HIP1: variants seen among roughly 807,000 people sequenced by gnomAD.
The protein encoded by HIP1 is huntingtin-interacting protein 1.
Under a neutral mutation model 147.6 loss-of-function variants are expected in HIP1, and 65 were observed. The ratio of observed to expected loss-of-function variants is 0.44; its 90% confidence interval spans 0.36 to 0.54. The LOEUF (loss-of-function observed/expected upper bound fraction) is 0.54, where lower values mean the gene tolerates loss of function less well. Among genes scored for constraint, HIP1 ranks in the 20% least tolerant of loss-of-function variants. The pLI, the probability that HIP1 is intolerant of heterozygous loss-of-function variation, is 0.00. For synonymous variants in HIP1, 479 were observed against 504.0 expected, an observed-to-expected ratio of 0.95 and a Z score of 0.67; for missense variants, 1,061 against 1,299.6, an observed-to-expected ratio of 0.82 and a Z score of 2.82.
chr7:75,629,218 G>A (rs1177507964), intron 1 of HIP1, among the ~76,000 whole-genome samples: 1 of 152,182 alleles, frequency 6.6e-6, no homozygotes, highest in Non-Finnish European at 1.5e-5. Context: ...TCCAGGCCCG[G>A]GTAGCAGTAG....
chr7:75,554,251 G>A (rs1251853527), intron 20 of HIP1, 31 bp from the exon 21 acceptor site: 1 of 1,575,822 alleles, frequency 6.3e-7, no homozygotes, highest in Non-Finnish European at 8.7e-7. Flanking sequence ...AGTTTCTCAG[G>A]TCTGGTTGAT....
intron 9 of HIP1, among the ~76,000 whole-genome samples, chr7:75,565,383 T>A (rs1795365830): frequency 6.6e-6 from 1 of 152,226 alleles, no homozygotes; most frequent in Non-Finnish European, 1.5e-5. Flanking sequence ...TCAACTGCTT[T>A]CACAAGCTAC....
Position 75,584,626 on chromosome 7 carries a change from C to T in HIP1, c.465+2127G>A, listed in dbSNP as rs1796184527. On this transcript the variant is annotated intron_variant, in intron 5 of 30. Coordinates refer to ENST00000336926, the MANE Select transcript of HIP1 (RefSeq NM_005338.7). ...AAAGCTAGGGGACTGGCTATTGGCA[C>T]CAGCTGCTTCTGATGCCACTGAACT... is the stretch of plus-strand genomic sequence containing the variant. Among the ~76,000 whole-genome samples the T allele has an allele frequency of 2.0e-5, 3 of 152,042 alleles. No individual in the cohort carries two copies. In the South Asian group the frequency reaches 6.2e-4, roughly 31 times the overall value.
Position 75,538,103 on chromosome 7 carries a change from G to T in HIP1, c.*69C>A. The stretch of plus-strand genomic sequence containing the variant: ...TGGGACTCCAAGGATTTGGCCTGTG[G>T]CTGGGGAAATAACACACACGAGATA... On this transcript the variant is annotated 3_prime_UTR_variant, in exon 31 of 31. Transcript: ENST00000336926. 7.5e-7 allele frequency: 1 copy of T among 1,334,842 alleles called. No individual in the cohort carries two copies. The highest frequency in any genetic ancestry group is 1.1e-6 in the Non-Finnish European group (1 of 925,708). 82.7% of individuals were successfully genotyped at this position (1,334,842 alleles called of 1,614,324 possible).
intron 1 of HIP1, chr7:75,733,948 T>C: frequency 6.5e-6 from 1 of 153,510 alleles, no homozygotes. Context: ...ACCCCATCTC[T>C]ACAAAAAAAA....
Position 75,683,130 on chromosome 7 carries a change from C to T in HIP1, c.120+55671G>A, listed in dbSNP as rs571770202. ...CCGAGCAGCTGGGACTACAGGCGTG[C>T]GCTACCATGCCCAGCTAATTTTTGT... On this transcript the variant is annotated intron_variant, in intron 1 of 30. Coordinates refer to ENST00000336926, the MANE Select transcript of HIP1 (RefSeq NM_005338.7). 1.2e-4 allele frequency among the ~76,000 whole-genome samples: 18 copies of T among 152,020 alleles called. No individual in the cohort carries two copies. The South Asian group carries it at 1.2e-3, about 11-fold the overall frequency.
intron 1 of HIP1, among the ~76,000 whole-genome samples, chr7:75,717,698 C>T (rs1452788813): frequency 3.8e-5 from 4 of 106,444 alleles, no homozygotes; most frequent in African/African-American, 8.0e-5. Flanking sequence ...AGACCAGGCG[C>T]GGTGGCTCAC....
In HIP1 at chr7:75,701,430, C is replaced by A. The variant is rs375042999; in HGVS notation, c.120+37371G>T. Among the ~76,000 whole-genome samples the A allele has an allele frequency of 3.0e-4, 46 of 152,100 alleles. No individual in the cohort carries two copies. The South Asian group carries it at 9.4e-3, about 31-fold the overall frequency. On this transcript the variant is annotated intron_variant, in intron 1 of 30. Coordinates refer to ENST00000336926, the MANE Select transcript of HIP1 (RefSeq NM_005338.7). ...AAACAAACAAAAACACTACCAAATG[C>A]CAGTCTGGTGACTCAGGCCTGTAAT...
chr7:75,555,286 G>A (rs587718810), intron 19 of HIP1, 130 bp downstream of exon 19: 28 of 958,380 alleles, frequency 2.9e-5, no homozygotes, highest in Middle Eastern at 6.7e-4. Context: ...GGGCCTGGGC[G>A]CCCCTAAGGT....
At chr7:75,720,078 G>C (rs1055153985) in intron 1 of HIP1, among the ~76,000 whole-genome samples, 1 of 152,310 alleles carries the variant, frequency 6.6e-6, no homozygotes, top group South Asian at 2.1e-4. Flanking sequence ...AGACGATAGA[G>C]AGTGGTGGGG....
chr7:75,663,954 A>G lies in HIP1; in HGVS notation c.121-64707T>C, dbSNP rs1339610704. 1.0e-4 allele frequency among the ~76,000 whole-genome samples: 9 copies of G among 90,438 alleles called. 1 individual carries two copies. The highest frequency in any genetic ancestry group is 6.8e-4 in the East Asian group (2 of 2,954). The allele number at this position is 90,438 out of a possible 152,430, so 59.3% of individuals were successfully genotyped here. A position where few individuals can be genotyped will look rare whatever the true frequency, so the allele number is the denominator to read the frequency against. Reference sequence around the variant, plus strand: ...TGTGTGTATATATATATATACACATATATGTGTATATATATATACACATAT... The same window carrying G: ...TGTGTGTATATATATATATACACATGTATGTGTATATATATATACACATAT... On this transcript the variant is annotated intron_variant, in intron 1 of 30. Coordinates refer to ENST00000336926, the MANE Select transcript of HIP1 (RefSeq NM_005338.7).
chr7:75,577,022 C>T (rs1185848373), intron 7 of HIP1, among the ~76,000 whole-genome samples: 2 of 152,084 alleles, frequency 1.3e-5, no homozygotes, highest in African/African-American at 2.4e-5. Flanking sequence ...GGACAGTGCA[C>T]ACTGCGGGTG....
At position 75,544,695 on chromosome 7, in the gene HIP1, C is replaced by G; in HGVS notation, c.2766G>C (p.Lys922Asn). The change falls in exon 27 of 31, where the codon AAG (lysine) becomes AAC (asparagine). Residue 922 changes from lysine to asparagine, a missense_variant and splice_region_variant. By Grantham distance (94) the Lys-to-Asn change is moderately conservative (BLOSUM62 0). This residue lies in a region of HIP1 where 810 missense variants were observed against 946.8 expected (regional missense o/e 0.86). Coordinates refer to ENST00000336926, the MANE Select transcript of HIP1 (RefSeq NM_005338.7). ...CCTAGGAGGTCCAGCCAGGTCCTAC[C>G]TTGGATGCAGCCACAAGCTGGGCTG... is the stretch of plus-strand genomic sequence containing the variant. ...ASTAQLVAAS[K>N]VKADKDSPNL... is the part of the protein sequence containing the mutation. The G allele has an allele frequency of 6.2e-7, 1 of 1,602,060 alleles. No homozygotes were observed. Among genetic ancestry groups the G allele is most frequent in the Non-Finnish European group, 8.6e-7 (1 of 1,169,002 alleles).
intron 1 of HIP1, among the ~76,000 whole-genome samples, chr7:75,678,360 T>TTC (rs71098061): frequency 0.43 from 54,859 of 127,078 alleles, 12,593 homozygotes; most frequent in African/African-American, 0.46. Context: ...TTTTTTTTTT[T>TTC]TGAGACAGCA....
At chr7:75,591,382 C>A (rs187559902) in intron 4 of HIP1, among the ~76,000 whole-genome samples, 3 of 152,046 alleles carry the variant, frequency 2.0e-5, no homozygotes, top group Non-Finnish European at 4.4e-5. Context: ...TACACACCCA[C>A]GGACATCAGA....
chr7:75,624,977 A>G (rs1797987050), intron 1 of HIP1: 1 of 143,636 alleles, frequency 7.0e-6, no homozygotes, highest in Admixed American at 7.5e-5. Context: ...TCTGTCGCCC[A>G]GGCTGGAGTG....
At position 75,537,665 on chromosome 7, in the gene HIP1, G is replaced by C. The variant is rs1794138636; in HGVS notation, c.*507C>G. ...TTCTGACTGTGCAGATCTCAGGGTA[G>C]TGTCCTGGTTTGGAATCCATCAGCC... On this transcript the variant is annotated 3_prime_UTR_variant, in exon 31 of 31. Coordinates refer to ENST00000336926, the MANE Select transcript of HIP1 (RefSeq NM_005338.7). 4.2e-6 allele frequency: 1 copy of C among 235,686 alleles called. No individual in the cohort carries two copies. 14.6% of individuals were successfully genotyped at this position (235,686 alleles called of 1,614,324 possible). A position where few individuals can be genotyped will look rare whatever the true frequency, so the allele number is the denominator to read the frequency against.
chr7:75,689,019 T>A (rs1423307931), intron 1 of HIP1, among the ~76,000 whole-genome samples: 1 of 152,064 alleles, frequency 6.6e-6, no homozygotes, highest in African/African-American at 2.4e-5. Context: ...AAACAGAGTG[T>A]ACGCCCAAAG....
chr7:75,544,627 T>C lies in HIP1; in HGVS notation c.2766+68A>G, dbSNP rs999103785. On this transcript the variant is annotated intron_variant, in intron 27 of 30. Transcript: ENST00000336926. ...AGTACTGCCTAACGCAGCCAAGTAC[T>C]CTTTAACCTAGCCTAGTACTCTCTA... The C allele has an allele frequency of 5.3e-6, 5 of 951,960 alleles. No homozygotes were observed. In the African/African-American group the frequency reaches 8.0e-5, roughly 15 times the overall value. The allele number at this position is 951,960 out of a possible 1,614,324, so 59.0% of individuals were successfully genotyped here. A position where few individuals can be genotyped will look rare whatever the true frequency, so the allele number is the denominator to read the frequency against.
Sources: gnomAD v4.1 joint callset for allele counts (sites outside exome capture counted in the v4.1 genomes callset) on GRCh38, gnomAD v4.1.1 for gene constraint, gnomAD v4.1.1 regional missense constraint, MANE v1.5 for transcripts, NCBI Gene and HGNC (gene_info 2026-07-23, HGNC 2026-07-21) for gene names.